Variants in CNTNAP2 observed in about 807,000 individuals in gnomAD.
CNTNAP2 encodes contactin-associated protein-like 2.
CNTNAP2 carries 98 observed loss-of-function variants against 155.2 expected under a neutral mutation model. The ratio of observed to expected loss-of-function variants is 0.63; its 90% CI spans 0.54 to 0.75. The LOEUF is 0.75. Among genes scored for constraint, CNTNAP2 ranks in the 30% least tolerant of loss-of-function variants. CNTNAP2 has a pLI of 0.00. For missense variants in CNTNAP2, 1,727 were observed against 1,688.1 expected (o/e 1.02, Z -0.40); for synonymous variants, 651 against 631.2 (o/e 1.03, Z -0.47).
At chr7:146,980,395 G>A (rs565686636) in intron 3 of CNTNAP2, among the ~76,000 whole-genome samples, 1 of 152,170 alleles carries the variant, frequency 6.6e-6, no homozygotes, top group South Asian at 2.1e-4. Flanking sequence ...CCAGTGGAAG[G>A]TTGATTCTCA....
At chr7:147,083,884 A>C (rs1183120911) in intron 4 of CNTNAP2, among the ~76,000 whole-genome samples, 7 of 140,582 alleles carry the variant, frequency 5.0e-5, no homozygotes, top group Admixed American at 4.5e-4. Flanking sequence ...TTATATACAT[A>C]TACACATGTA....
At chr7:146,724,652 C>A (rs929814857) in intron 1 of CNTNAP2, among the ~76,000 whole-genome samples, 14 of 146,930 alleles carry the variant, frequency 9.5e-5, no homozygotes, top group African/African-American at 3.5e-4. Context: ...CTCACCGCAA[C>A]CTCCGACTCC....
At chr7:146,228,779 G>T (rs771281412) in intron 1 of CNTNAP2, among the ~76,000 whole-genome samples, 1 of 151,974 alleles carries the variant, frequency 6.6e-6, no homozygotes, top group African/African-American at 2.4e-5. Flanking sequence ...CTTGTAAATA[G>T]AGACCACATT....
At chr7:146,436,270 A>G (rs1237018034) in intron 1 of CNTNAP2, among the ~76,000 whole-genome samples, 1 of 152,122 alleles carries the variant, frequency 6.6e-6, no homozygotes, top group Non-Finnish European at 1.5e-5. Flanking sequence ...CAAATAGATG[A>G]TTTTTGACTT....
rs187553134 is a variant in CNTNAP2, at chr7:148,053,857, G to C, written c.2384-64261G>C. On this transcript the variant is annotated intron_variant, in intron 15 of 23. Transcript: ENST00000361727. ...ATGAAGGCTAAAATACTTAGGTATT[G>C]AGAGTGTTTTCTTCTTGCTACTCTG... Among the ~76,000 whole-genome samples, 627 of 152,122 alleles carry C rather than the reference G, an allele frequency of 4.1e-3. 7 individuals are homozygous for C. The highest frequency in any genetic ancestry group is 0.014 in the African/African-American group (601 of 41,484).
intron 1 of CNTNAP2, among the ~76,000 whole-genome samples, chr7:146,279,793 A>G (rs1800221385): frequency 6.6e-6 from 1 of 151,796 alleles, no homozygotes; most frequent in Admixed American, 6.6e-5. Flanking sequence ...CTTTTAAAAA[A>G]TAATATGCAT....
In CNTNAP2 at chr7:146,191,438, A is replaced by G. The variant is rs530247166; in HGVS notation, c.97+74465A>G. Reference sequence around the variant, plus strand: ...GACCGTGGTGAAATTAAAATTGCTAATGAAGTTTTGGGCACATATTGTCAT... The same window carrying G: ...GACCGTGGTGAAATTAAAATTGCTAGTGAAGTTTTGGGCACATATTGTCAT... On this transcript the variant is annotated intron_variant, in intron 1 of 23. Coordinates refer to ENST00000361727, the MANE Select transcript of CNTNAP2 (RefSeq NM_014141.6). 1.1e-3 allele frequency among the ~76,000 whole-genome samples: 170 copies of G among 152,312 alleles called. 9 individuals are homozygous for G. In the South Asian group the frequency reaches 0.034, roughly 30 times the overall value.
chr7:146,694,008 A>G (rs925259667), intron 1 of CNTNAP2, among the ~76,000 whole-genome samples: 5 of 152,146 alleles, frequency 3.3e-5, no homozygotes, highest in Admixed American at 3.3e-4. Flanking sequence ...TTAAAATTCC[A>G]GATTAAAAAA....
At chr7:146,483,324 T>TAC (rs1797005022) in intron 1 of CNTNAP2, among the ~76,000 whole-genome samples, 9 of 83,790 alleles carry the variant, frequency 1.1e-4, no homozygotes, top group East Asian at 2.8e-4. Flanking sequence ...TATATATATA[T>TAC]ATATACATAT....
intron 10 of CNTNAP2, among the ~76,000 whole-genome samples, chr7:147,472,308 G>A (rs1798239376): frequency 6.7e-6 from 1 of 148,680 alleles, no homozygotes; most frequent in South Asian, 2.1e-4. Context: ...TGCCTCCCAG[G>A]TTCATGCGAT....
At chr7:146,143,680 T>C (rs1797913233) in intron 1 of CNTNAP2, among the ~76,000 whole-genome samples, 1 of 152,186 alleles carries the variant, frequency 6.6e-6, no homozygotes, top group Admixed American at 6.5e-5. Context: ...TTGTGTTTCC[T>C]GAAATAATCT....
chr7:147,697,664 T>A (rs1177021968), intron 13 of CNTNAP2, among the ~76,000 whole-genome samples: 3 of 152,112 alleles, frequency 2.0e-5, no homozygotes, highest in African/African-American at 7.2e-5. Context: ...CGCCAACCCC[T>A]TTACGTGGCA....
chr7:146,844,993 A>C (rs547714518), intron 3 of CNTNAP2, among the ~76,000 whole-genome samples: 122 of 152,262 alleles, frequency 8.0e-4, no homozygotes, highest in African/African-American at 2.7e-3. Flanking sequence ...AAACAAATTC[A>C]TATTATCTAA....
At chr7:147,656,463 T>C (rs1795526971) in intron 13 of CNTNAP2, among the ~76,000 whole-genome samples, 1 of 152,194 alleles carries the variant, frequency 6.6e-6, no homozygotes, top group Non-Finnish European at 1.5e-5. Flanking sequence ...GGCCATCTTA[T>C]GGTTATGAAC....
chr7:146,185,235 GA>G (rs1048134318), intron 1 of CNTNAP2, among the ~76,000 whole-genome samples: 46 of 150,360 alleles, frequency 3.1e-4, no homozygotes, highest in Non-Finnish European at 5.3e-4. Flanking sequence ...AAACACAATT[GA>G]AAAAAAAATA....
intron 21 of CNTNAP2, among the ~76,000 whole-genome samples, chr7:148,295,111 C>G (rs889789932): frequency 6.6e-6 from 1 of 152,106 alleles, no homozygotes; most frequent in Non-Finnish European, 1.5e-5. Context: ...AATCCATTAC[C>G]TTTTCATTTA....
chr7:146,258,382 A>G (rs1261753401), intron 1 of CNTNAP2, among the ~76,000 whole-genome samples: 1 of 152,180 alleles, frequency 6.6e-6, no homozygotes, highest in African/African-American at 2.4e-5. Context: ...CCATTTTACT[A>G]TTTTATTATC....
intron 13 of CNTNAP2, among the ~76,000 whole-genome samples, chr7:147,888,843 G>C (rs1465626048): frequency 6.6e-6 from 1 of 151,238 alleles, no homozygotes; most frequent in African/African-American, 2.4e-5. Context: ...TCTGACCCTA[G>C]AGAAAAAAAG....
intron 13 of CNTNAP2, among the ~76,000 whole-genome samples, chr7:147,720,756 C>A (rs1386788044): frequency 6.6e-6 from 1 of 152,104 alleles, no homozygotes; most frequent in African/African-American, 2.4e-5. Context: ...CACCTTCTGC[C>A]ATGATGAGGC....
Sources: gnomAD v4.1 joint callset for allele counts (sites outside exome capture counted in the v4.1 genomes callset) on GRCh38, gnomAD v4.1.1 for gene constraint, MANE v1.5 for transcripts, NCBI Gene and HGNC (gene_info 2026-07-23, HGNC 2026-07-21) for gene names.